The following ATP2B1 variants were observed in gnomAD, a reference collection of about 807,000 sequenced individuals.
ATP2B1 encodes the protein plasma membrane calcium-transporting ATPase 1.
In ATP2B1, 14 loss-of-function variants were observed where a neutral mutation model predicts 124.2. The observed-to-expected ratio is 0.11, with a 90% CI of 0.07 to 0.18. ATP2B1 has a LOEUF of 0.18. Among genes scored for constraint, ATP2B1 ranks in the 10% least tolerant of loss-of-function variants. The pLI is 1.00. For missense variants in ATP2B1, 763 were observed against 1,466.1 expected, an observed-to-expected ratio of 0.52 and a Z score of 7.83; for synonymous variants, 449 against 492.4, an observed-to-expected ratio of 0.91 and a Z score of 1.17.
At chr12:89,598,562 T>C in intron 20 of ATP2B1, 1 of 1,595,334 alleles carries the variant, frequency 6.3e-7, no homozygotes, top group Non-Finnish European at 8.6e-7. Context: ...GAAATGTTAA[T>C]TTCATGCACT....
chr12:89,681,332 A>G (rs1235865092), intron 1 of ATP2B1, among the ~76,000 whole-genome samples: 1 of 152,098 alleles, frequency 6.6e-6, no homozygotes, highest in East Asian at 1.9e-4. Context: ...AAAACTGACC[A>G]TAACAGAGAC....
intron 1 of ATP2B1, among the ~76,000 whole-genome samples, chr12:89,697,959 G>A (rs1285163914): frequency 1.3e-5 from 2 of 151,910 alleles, no homozygotes; most frequent in East Asian, 1.9e-4. Flanking sequence ...CACTACCTCC[G>A]CCTCCTGGGC....
In ATP2B1 at chr12:89,624,368, T is replaced by C; in HGVS notation, c.1159A>G (p.Ile387Val). The change falls in exon 9 of 21, where the codon ATT (isoleucine) becomes GTT (valine). Residue 387 changes from isoleucine (I) to valine (V), a missense_variant. Ile to Val is a conservative substitution (Grantham distance 29). Coordinates refer to ENST00000428670, the MANE Select transcript of ATP2B1 (RefSeq NM_001366521.1). ...GLLMSAITVI[I>V]LVLYFVIDTF... Reference sequence around the variant, plus strand: ...TCAATGACAAAATATAATACTAGAATGATAACTGTGATGGCAGACATCAAC... The same window carrying C: ...TCAATGACAAAATATAATACTAGAACGATAACTGTGATGGCAGACATCAAC... 1 of 1,613,880 alleles carries C rather than the reference T, an allele frequency of 6.2e-7. No homozygotes were observed. Among genetic ancestry groups the C allele is most frequent in the Non-Finnish European group, 8.5e-7 (1 of 1,179,900 alleles).
chr12:89,594,376 A>T (rs995954299), intron 20 of ATP2B1: 4 of 152,026 alleles, frequency 2.6e-5, no homozygotes, highest in African/African-American at 9.7e-5. Context: ...TATATTAATA[A>T]TAATTCAATT....
chr12:89,613,745 A>AG (rs1280260313), intron 12 of ATP2B1, among the ~76,000 whole-genome samples: 1 of 152,212 alleles, frequency 6.6e-6, no homozygotes, highest in Non-Finnish European at 1.5e-5. Flanking sequence ...ATAATACATA[A>AG]GAAAGGCACA....
chr12:89,627,324 A>G (rs1035782460), intron 7 of ATP2B1, among the ~76,000 whole-genome samples: 1 of 151,914 alleles, frequency 6.6e-6, no homozygotes, highest in Non-Finnish European at 1.5e-5. Context: ...CAATGTATAA[A>G]TAAATTTCGT....
intron 1 of ATP2B1, among the ~76,000 whole-genome samples, 155 bp from the exon 2 acceptor site, chr12:89,656,262 A>G (rs1885936910): frequency 1.3e-5 from 2 of 152,232 alleles, no homozygotes; most frequent in Non-Finnish European, 2.9e-5. Flanking sequence ...AGTGCTTTGC[A>G]TGATAAAAGA....
chr12:89,673,045 C>A (rs1428026116), intron 1 of ATP2B1, among the ~76,000 whole-genome samples: 3 of 152,144 alleles, frequency 2.0e-5, no homozygotes, highest in Admixed American at 6.6e-5. Flanking sequence ...TATTCCTATC[C>A]TCAAACTCAA....
At chr12:89,629,587 C>T (rs1013769242) in intron 6 of ATP2B1, among the ~76,000 whole-genome samples, 15 of 152,128 alleles carry the variant, frequency 9.9e-5, no homozygotes, top group African/African-American at 3.6e-4. Context: ...ACTCAAAGAA[C>T]AAAACAAACC....
At chr12:89,700,764 A>G (rs1347157947) in intron 1 of ATP2B1, among the ~76,000 whole-genome samples, 1 of 152,206 alleles carries the variant, frequency 6.6e-6, no homozygotes, top group African/African-American at 2.4e-5. Flanking sequence ...TGCAACGTCA[A>G]TTAAAGCAGG....
intron 3 of ATP2B1, among the ~76,000 whole-genome samples, chr12:89,637,416 A>AAT (rs1555200721): frequency 2.7e-5 from 4 of 149,542 alleles, no homozygotes; most frequent in Non-Finnish European, 6.0e-5. Flanking sequence ...TTAAATTTTA[A>AAT]TTTTTTCTTT....
intron 1 of ATP2B1, among the ~76,000 whole-genome samples, chr12:89,666,903 C>T (rs549632637): frequency 6.6e-6 from 1 of 152,182 alleles, no homozygotes; most frequent in African/African-American, 2.4e-5. Flanking sequence ...TCTTGGTTTC[C>T]TCAGACTAGC....
At chr12:89,597,967 C>G (rs1226724049) in intron 20 of ATP2B1, among the ~76,000 whole-genome samples, 1 of 133,664 alleles carries the variant, frequency 7.5e-6, no homozygotes. Flanking sequence ...AAAAAACACC[C>G]CAAACCATAA....
chr12:89,659,298 T>C (rs1278578182), intron 1 of ATP2B1, among the ~76,000 whole-genome samples: 4 of 152,048 alleles, frequency 2.6e-5, no homozygotes, highest in Non-Finnish European at 5.9e-5. Context: ...ACAAAATTTA[T>C]CCCAGAATAA....
At chr12:89,708,016 G>C (rs894064931) in intron 1 of ATP2B1, among the ~76,000 whole-genome samples, 41 of 152,220 alleles carry the variant, frequency 2.7e-4, no homozygotes, top group African/African-American at 9.6e-4. Context: ...GGCGTGAGGA[G>C]AAAGACCAGG....
intron 1 of ATP2B1, among the ~76,000 whole-genome samples, chr12:89,707,887 G>A (rs1270106621): frequency 2.0e-5 from 3 of 152,242 alleles, no homozygotes; most frequent in East Asian, 3.8e-4. Flanking sequence ...CTGGAACGCG[G>A]TCCTCCTACA....
Position 89,635,184 on chromosome 12 carries a change from T to G in ATP2B1, c.474A>C (p.Ala158=). The G allele has an allele frequency of 6.2e-7, 1 of 1,613,858 alleles. No homozygotes were observed. The highest frequency in any genetic ancestry group is 1.1e-5 in the South Asian group (1 of 91,076). ...CCACACACACTACAGACAAGAGGAT[T>G]GCAGCTCCTTCAATCCAACCAGTTT... ...EGETGWIEGA[A]ILLSVVCVVL... is the part of the protein sequence containing the mutation. Residue 158 remains alanine, a synonymous_variant, in exon 4 of 21, where the codon GCA becomes GCC. Transcript: ENST00000428670.
chr12:89,695,074 A>C (rs1890989003), intron 1 of ATP2B1, among the ~76,000 whole-genome samples: 1 of 150,698 alleles, frequency 6.6e-6, no homozygotes, highest in Admixed American at 6.7e-5. Context: ...AAAAAAAAGA[A>C]AAGAATTATA....
At chr12:89,623,999 C>T (rs984142732) in intron 9 of ATP2B1, among the ~76,000 whole-genome samples, 184 bp downstream of exon 9, 3 of 152,014 alleles carry the variant, frequency 2.0e-5, no homozygotes, top group African/African-American at 4.8e-5. Context: ...GCACAGGTCT[C>T]CTTCAGAGAT....
Sources: allele counts gnomAD v4.1 joint callset (sites outside exome capture counted in the v4.1 genomes callset), GRCh38; gene constraint gnomAD v4.1.1; transcripts MANE v1.5; gene names NCBI Gene and HGNC (gene_info 2026-07-23, HGNC 2026-07-21).